MACROD2: variants seen among roughly 807,000 people sequenced by gnomAD.
MACROD2 encodes mono-ADP ribosylhydrolase 2, also known as ADP-ribose glycohydrolase MACROD2.
MACROD2 carries 36 observed loss-of-function variants against 70.4 expected under a neutral mutation model. The ratio of observed to expected loss-of-function variants is 0.51; its 90% CI spans 0.39 to 0.68. MACROD2 has a LOEUF of 0.68. Ranked by LOEUF, MACROD2 falls within the 30% of genes least tolerant of loss-of-function variation. MACROD2 has a pLI of 0.00. For missense variants in MACROD2, 496 were observed against 538.4 expected (o/e 0.92, Z 0.78); for synonymous variants, 172 against 178.8 (o/e 0.96, Z 0.30).
chr20:15,885,797 T>G lies in MACROD2; in HGVS notation c.761T>G (p.Met254Arg). Residue 254 changes from methionine (M) to arginine (R), a missense_variant, in exon 10 of 18, where the codon ATG becomes AGG. Coordinates refer to ENST00000684519, the MANE Select transcript of MACROD2 (RefSeq NM_001351661.2). ...DNNEEEEDVE[M>R]KEDSDENGPE... Reference sequence around the variant, plus strand: ...AATGAAGAAGAAGAGGATGTTGAAATGAAAGAAGATTCAGGTATTAAATTC... The same window carrying G: ...AATGAAGAAGAAGAGGATGTTGAAAGGAAAGAAGATTCAGGTATTAAATTC... 1 of 1,500,036 alleles carries G rather than the reference T, an allele frequency of 6.7e-7. No homozygotes were observed. The highest frequency in any genetic ancestry group is 1.3e-5 in the South Asian group (1 of 76,314). The allele number at this position is 1,500,036 out of a possible 1,614,324, so 92.9% of individuals were successfully genotyped here.
At chr20:15,389,220 T>G (rs2045759781) in intron 6 of MACROD2, among the ~76,000 whole-genome samples, 1 of 152,058 alleles carries the variant, frequency 6.6e-6, no homozygotes. Context: ...CCAGTTAAAT[T>G]TGAATTTCAG....
intron 5 of MACROD2, among the ~76,000 whole-genome samples, chr20:15,011,926 C>G (rs568864576): frequency 6.6e-6 from 1 of 152,186 alleles, no homozygotes; most frequent in African/African-American, 2.4e-5. Context: ...ATGTTATGAC[C>G]AGAGGACAAC....
chr20:15,104,472 G>A (rs1445032983), intron 5 of MACROD2, among the ~76,000 whole-genome samples: 2 of 152,116 alleles, frequency 1.3e-5, no homozygotes, highest in African/African-American at 4.8e-5. Context: ...ACAAATTATG[G>A]ACAGAAACAT....
chr20:14,287,066 T>C (rs1265250985), intron 3 of MACROD2, among the ~76,000 whole-genome samples: 1 of 152,190 alleles, frequency 6.6e-6, no homozygotes, highest in Non-Finnish European at 1.5e-5. Context: ...TTCTGTAGGC[T>C]TGCCTGCATT....
chr20:15,019,179 GGAGA>G (rs1456788864), intron 5 of MACROD2, among the ~76,000 whole-genome samples: 1 of 151,624 alleles, frequency 6.6e-6, no homozygotes, highest in Non-Finnish European at 1.5e-5. Flanking sequence ...GCGCGCGCGC[GGAGA>G]GAGTTTTCTT....
chr20:15,095,321 C>T (rs2075822854), intron 5 of MACROD2, among the ~76,000 whole-genome samples: 1 of 151,704 alleles, frequency 6.6e-6, no homozygotes, highest in East Asian at 1.9e-4. Context: ...GTGATCCACC[C>T]ACTTCGGCCT....
At chr20:15,373,054 TA>T (rs994676484) in intron 6 of MACROD2, among the ~76,000 whole-genome samples, 248 of 151,270 alleles carry the variant, frequency 1.6e-3, no homozygotes, top group African/African-American at 5.0e-3. Context: ...GAGAAAACCC[TA>T]AAAAAAAATC....
chr20:15,015,941 A>G (rs1160632826), intron 5 of MACROD2, among the ~76,000 whole-genome samples: 1 of 152,230 alleles, frequency 6.6e-6, no homozygotes, highest in African/African-American at 2.4e-5. Context: ...AGCTCTAAGC[A>G]TAGGTTTAGA....
chr20:15,213,578 G>C (rs1175090652), intron 5 of MACROD2, among the ~76,000 whole-genome samples: 1 of 152,096 alleles, frequency 6.6e-6, no homozygotes, highest in East Asian at 1.9e-4. Context: ...AGTAAGTCAC[G>C]TCCATAAAGG....
At chr20:15,718,617 T>C (rs1056903721) in intron 8 of MACROD2, among the ~76,000 whole-genome samples, 1 of 152,054 alleles carries the variant, frequency 6.6e-6, no homozygotes, top group South Asian at 2.1e-4. Context: ...CCTTCCTCCT[T>C]AAAACCGACT....
chr20:14,008,777 C>T (rs1266951187), intron 2 of MACROD2, among the ~76,000 whole-genome samples: 1 of 152,144 alleles, frequency 6.6e-6, no homozygotes, highest in Non-Finnish European at 1.5e-5. Context: ...AGACATAGAC[C>T]AGTGGAACAG....
At chr20:15,072,193 A>G (rs1034399009) in intron 5 of MACROD2, among the ~76,000 whole-genome samples, 1 of 152,186 alleles carries the variant, frequency 6.6e-6, no homozygotes, top group Non-Finnish European at 1.5e-5. Context: ...AGTATACTCA[A>G]TTTATCTACA....
chr20:15,703,636 G>A (rs777786740), intron 8 of MACROD2, among the ~76,000 whole-genome samples: 3 of 152,098 alleles, frequency 2.0e-5, no homozygotes, highest in East Asian at 3.9e-4. Flanking sequence ...TGTAGTTTCC[G>A]TGGGGCAGAG....
At chr20:14,145,163 C>A (rs73255080) in intron 3 of MACROD2, among the ~76,000 whole-genome samples, 6,260 of 152,244 alleles carry the variant, frequency 0.041, 176 homozygotes, top group African/African-American at 0.08. Context: ...ATGTGTCCCT[C>A]TGCGCTAGGC....
chr20:15,632,929 TCTTTCTTCCTTCCTCCCCTC>T (rs2049312439), intron 8 of MACROD2, among the ~76,000 whole-genome samples: 2 of 151,346 alleles, frequency 1.3e-5, no homozygotes, highest in Non-Finnish European at 3.0e-5. Flanking sequence ...TTCCTCCCCT[TCTTTCTTCCTTCCTCCCCTC>T]CTTCCCTCTT....
At chr20:16,010,481 G>T (rs1469056848) in intron 15 of MACROD2, among the ~76,000 whole-genome samples, 3 of 152,030 alleles carry the variant, frequency 2.0e-5, no homozygotes, top group South Asian at 2.1e-4. Flanking sequence ...TTTATATTTT[G>T]TACCAGACAT....
In MACROD2 at chr20:14,326,664, A is replaced by T. The variant is rs778241174; in HGVS notation, c.272-166815A>T. On this transcript the variant is annotated intron_variant, in intron 3 of 17. Transcript: ENST00000684519. This position sits in a 1 kb window ranked among gnomAD's most constrained non-coding sequence, Gnocchi z 5.5. ...TACCCTGAGGTAAATTACTTAGGTT[A>T]TTATTGGACATATCCAGTCGATAGA... 1 of 1,613,784 alleles carries T rather than the reference A, an allele frequency of 6.2e-7. No individual in the cohort carries two copies. The highest frequency in any genetic ancestry group is 2.2e-5 in the East Asian group (1 of 44,862).
chr20:15,402,853 G>A (rs1040957873), intron 6 of MACROD2, among the ~76,000 whole-genome samples: 1 of 152,202 alleles, frequency 6.6e-6, no homozygotes, highest in Admixed American at 6.5e-5. Flanking sequence ...AACTTTCTGT[G>A]TATGGAAGGC....
chr20:14,466,985 AC>A (rs2084459631), intron 3 of MACROD2, among the ~76,000 whole-genome samples: 1 of 152,110 alleles, frequency 6.6e-6, no homozygotes, highest in Non-Finnish European at 1.5e-5. Context: ...GGGGTTGGGG[AC>A]CCACTTGAGG....
Sources: gnomAD v4.1 joint callset for allele counts (sites outside exome capture counted in the v4.1 genomes callset) on GRCh38, gnomAD v4.1.1 for gene constraint, Gnocchi (gnomAD v3.1) non-coding constraint, MANE v1.5 for transcripts, NCBI Gene and HGNC (gene_info 2026-07-23, HGNC 2026-07-21) for gene names.